Variants in PPP3CA observed in about 807,000 individuals in gnomAD.
PPP3CA encodes the protein CAM-PRP catalytic subunit.
PPP3CA carries 14 observed loss-of-function variants against 66.5 expected under a neutral mutation model. That is an observed-to-expected ratio of 0.21 (90% CI 0.14 to 0.33). The LOEUF (loss-of-function observed/expected upper bound fraction) is 0.33, where lower values mean the gene tolerates loss of function less well. Among genes scored for constraint, PPP3CA ranks in the 10% least tolerant of loss-of-function variants. The pLI is 1.00. For synonymous variants in PPP3CA, 232 were observed against 226.2 expected, an observed-to-expected ratio of 1.03 and a Z score of -0.23; for missense variants, 317 against 639.5, an observed-to-expected ratio of 0.50 and a Z score of 5.44.
intron 2 of PPP3CA, among the ~76,000 whole-genome samples, chr4:101,112,639 C>T (rs1378119625): frequency 1.3e-5 from 2 of 152,100 alleles, no homozygotes; most frequent in African/African-American, 2.4e-5. Flanking sequence ...TTTTCTTCCT[C>T]GAATTTTCAT....
chr4:101,263,988 A>G (rs746843783), intron 1 of PPP3CA, among the ~76,000 whole-genome samples: 2 of 152,154 alleles, frequency 1.3e-5, no homozygotes, highest in Non-Finnish European at 2.9e-5. Flanking sequence ...CTCCGTAATA[A>G]TTACTGGGAA....
chr4:101,267,992 G>A (rs754939724), intron 1 of PPP3CA, among the ~76,000 whole-genome samples: 28 of 151,918 alleles, frequency 1.8e-4, no homozygotes, highest in Non-Finnish European at 4.0e-4. Context: ...CCAACATGAT[G>A]AGACCTCGTC....
Position 101,073,337 on chromosome 4 carries a change from C to T in PPP3CA, c.955+7195G>A, listed in dbSNP as rs1025182349. 1.1e-4 allele frequency among the ~76,000 whole-genome samples: 16 copies of T among 149,052 alleles called. No individual in the cohort carries two copies. The South Asian group carries it at 2.1e-3, about 20-fold the overall frequency. On this transcript the variant is annotated intron_variant, in intron 8 of 13. Transcript: ENST00000394854. ...TATTGCCCAGGCTGGAGTGCAATGG[C>T]GTGATCTCAGCTCACTGCAACCTCG...
intron 6 of PPP3CA, 51 bp downstream of exon 6, chr4:101,093,725 C>G: frequency 6.7e-7 from 1 of 1,494,812 alleles, no homozygotes; most frequent in Non-Finnish European, 9.0e-7. Context: ...ACTGATAAAT[C>G]CTAGCATTAT....
intron 11 of PPP3CA, among the ~76,000 whole-genome samples, chr4:101,038,974 G>GT (rs1727384559): frequency 6.6e-6 from 1 of 152,144 alleles, no homozygotes. Context: ...TTCTAGAGCT[G>GT]TTTTTACTTT....
intron 10 of PPP3CA, among the ~76,000 whole-genome samples, chr4:101,042,458 C>T (rs748661775): frequency 1.6e-4 from 24 of 152,254 alleles, no homozygotes; most frequent in Admixed American, 5.9e-4. Flanking sequence ...CTTATTATTG[C>T]CAGCTATTCT....
chr4:101,146,011 T>A (rs949285630), intron 2 of PPP3CA, among the ~76,000 whole-genome samples: 2 of 152,210 alleles, frequency 1.3e-5, no homozygotes, highest in Non-Finnish European at 2.9e-5. Flanking sequence ...TCACAGATAT[T>A]TTCAAAGTAA....
intron 1 of PPP3CA, among the ~76,000 whole-genome samples, chr4:101,331,531 T>C (rs2110333223): frequency 6.6e-6 from 1 of 152,278 alleles, no homozygotes; most frequent in Non-Finnish European, 1.5e-5. Flanking sequence ...CCAACATTTG[T>C]GATCCATCGT....
chr4:101,273,617 A>G (rs2583388), intron 1 of PPP3CA, among the ~76,000 whole-genome samples: 139,961 of 152,282 alleles, frequency 0.92, 64,531 homozygotes, highest in African/African-American at 0.98. Flanking sequence ...GAGCCACCAC[A>G]CCTGGCCTTT....
intron 1 of PPP3CA, among the ~76,000 whole-genome samples, chr4:101,336,841 G>C (rs922501155): frequency 8.5e-5 from 13 of 152,292 alleles, no homozygotes; most frequent in African/African-American, 3.1e-4. Context: ...CATCAGAGAG[G>C]CTGGAGAGGG....
chr4:101,145,361 A>G (rs924042937), intron 2 of PPP3CA, among the ~76,000 whole-genome samples: 2 of 152,198 alleles, frequency 1.3e-5, no homozygotes, highest in Non-Finnish European at 2.9e-5. Flanking sequence ...AGCACTGTTT[A>G]CAATAGCCAA....
At chr4:101,132,776 C>G (rs773875475) in intron 2 of PPP3CA, among the ~76,000 whole-genome samples, 9 of 152,092 alleles carry the variant, frequency 5.9e-5, no homozygotes, top group Admixed American at 1.3e-4. Context: ...TGACACTAAA[C>G]GCTGGAAGAG....
At chr4:101,097,563 C>T (rs1387538111) in intron 5 of PPP3CA, among the ~76,000 whole-genome samples, 1 of 152,056 alleles carries the variant, frequency 6.6e-6, no homozygotes, top group East Asian at 1.9e-4. Flanking sequence ...AAAACATTTA[C>T]ATCACTTTCT....
At chr4:101,096,606 A>ACT (rs1208985227) in intron 5 of PPP3CA, among the ~76,000 whole-genome samples, 3 of 152,192 alleles carry the variant, frequency 2.0e-5, no homozygotes, top group African/African-American at 7.2e-5. Context: ...ACACTTAGTA[A>ACT]GTTTCTCATC....
chr4:101,272,766 C>T (rs1486702637), intron 1 of PPP3CA, among the ~76,000 whole-genome samples: 3 of 152,200 alleles, frequency 2.0e-5, no homozygotes, highest in African/African-American at 7.2e-5. Context: ...CAAAAACTCT[C>T]TGTGGGTAGA....
intron 8 of PPP3CA, among the ~76,000 whole-genome samples, chr4:101,079,465 G>A (rs1211951367): frequency 1.3e-5 from 2 of 148,236 alleles, no homozygotes; most frequent in Non-Finnish European, 3.0e-5. Flanking sequence ...TGCAAGCTCC[G>A]CCTCCCGGGT....
At chr4:101,200,545 C>CA (rs1326833382) in intron 1 of PPP3CA, among the ~76,000 whole-genome samples, 5 of 152,138 alleles carry the variant, frequency 3.3e-5, no homozygotes, top group African/African-American at 9.6e-5. Flanking sequence ...TAAATGCTGA[C>CA]AAAAAAGATT....
chr4:101,135,398 C>A (rs963091091), intron 2 of PPP3CA, among the ~76,000 whole-genome samples: 1 of 152,042 alleles, frequency 6.6e-6, no homozygotes, highest in Non-Finnish European at 1.5e-5. Context: ...TTCTGAACTC[C>A]GTATTTTTAA....
intron 8 of PPP3CA, 91 bp from the exon 9 acceptor site, chr4:101,063,448 G>T: frequency 7.0e-7 from 1 of 1,435,216 alleles, no homozygotes; most frequent in African/African-American, 1.4e-5. Context: ...TCAACCATTT[G>T]ACTGAAGTTC....
Sources: allele counts gnomAD v4.1 joint callset (sites outside exome capture counted in the v4.1 genomes callset), GRCh38; gene constraint gnomAD v4.1.1; transcripts MANE v1.5; gene names NCBI Gene and HGNC (gene_info 2026-07-23, HGNC 2026-07-21).